COMMD1: variants seen among roughly 807,000 people sequenced by gnomAD.
The protein encoded by COMMD1 is copper metabolism domain containing 1, also known as COMM domain-containing protein 1.
A neutral mutation model predicts 17.2 loss-of-function variants in COMMD1; 10 were observed. The ratio of observed to expected loss-of-function variants is 0.58; its 90% CI spans 0.36 to 0.99. COMMD1 has a LOEUF of 0.99. COMMD1 is among the 50% of genes least tolerant of loss of function. The pLI, the probability that COMMD1 is intolerant of heterozygous loss-of-function variation, is 0.01. For synonymous variants in COMMD1, 97 were observed against 91.6 expected, an observed-to-expected ratio of 1.06 and a Z score of -0.34; for missense variants, 270 against 231.8, an observed-to-expected ratio of 1.17 and a Z score of -1.07.
chr2:62,063,068 T>G (rs1670914818), intron 2 of COMMD1, among the ~76,000 whole-genome samples: 1 of 151,586 alleles, frequency 6.6e-6, no homozygotes, highest in Admixed American at 6.6e-5. Flanking sequence ...AATACAAAAA[T>G]TAGCTGGGTG....
intron 1 of COMMD1, among the ~76,000 whole-genome samples, chr2:61,934,377 A>G (rs940833395): frequency 4.6e-5 from 7 of 152,150 alleles, no homozygotes; most frequent in African/African-American, 1.7e-4. Flanking sequence ...CATCTAGAGT[A>G]TCAAAATGAA....
intron 1 of COMMD1, among the ~76,000 whole-genome samples, chr2:61,991,186 T>G (rs989297913): frequency 6.6e-6 from 1 of 152,204 alleles, no homozygotes; most frequent in Non-Finnish European, 1.5e-5. Context: ...TTGTTTTGGC[T>G]CTGAGCCCCT....
intron 2 of COMMD1, among the ~76,000 whole-genome samples, chr2:62,020,788 T>C (rs1211890221): frequency 6.6e-6 from 1 of 151,912 alleles, no homozygotes; most frequent in Non-Finnish European, 1.5e-5. Context: ...TCACCTGAGG[T>C]CAGGAGTTCG....
At chr2:61,964,177 A>G (rs1671445769) in intron 1 of COMMD1, among the ~76,000 whole-genome samples, 2 of 152,228 alleles carry the variant, frequency 1.3e-5, no homozygotes, top group South Asian at 4.1e-4. Context: ...TGTTGCAAGA[A>G]TTTGTTACTC....
intron 1 of COMMD1, among the ~76,000 whole-genome samples, chr2:61,990,733 T>C (rs1458088152): frequency 6.6e-6 from 1 of 152,104 alleles, no homozygotes; most frequent in Non-Finnish European, 1.5e-5. Flanking sequence ...GTGAGACTTA[T>C]TCACTATCGT....
chr2:61,999,446 A>C (rs1037456612), intron 1 of COMMD1, among the ~76,000 whole-genome samples: 1 of 152,238 alleles, frequency 6.6e-6, no homozygotes, highest in Admixed American at 6.5e-5. Flanking sequence ...TAAGATAAAT[A>C]CATTCACTTA....
rs553548154 is a variant in COMMD1 at position 62,020,267 on chromosome 2, C to T, written c.462+19285C>T. 3.9e-5 allele frequency among the ~76,000 whole-genome samples: 6 copies of T among 152,322 alleles called. 1 individual carries two copies. Among genetic ancestry groups the T allele is most frequent in the East Asian group, 1.9e-4 (1 of 5,180 alleles). On this transcript the variant is annotated intron_variant, in intron 2 of 2. Transcript: ENST00000311832. The stretch of plus-strand genomic sequence containing the variant: ...AGGGAAAATGTTGGTACAAAGGTGT[C>T]GTTACGTCACACCATTTTTGAAATT...
intron 2 of COMMD1, among the ~76,000 whole-genome samples, chr2:62,133,750 A>T (rs1324138088): frequency 1.3e-5 from 2 of 152,060 alleles, no homozygotes; most frequent in African/African-American, 4.8e-5. Flanking sequence ...GTTTGGGCAG[A>T]CTCATCATGG....
At chr2:61,929,110 C>T (rs536966737) in intron 1 of COMMD1, among the ~76,000 whole-genome samples, 2 of 152,290 alleles carry the variant, frequency 1.3e-5, no homozygotes, top group East Asian at 3.9e-4. Flanking sequence ...CCTTACTGGG[C>T]AAGTGTTCTT....
chr2:61,947,764 C>T (rs1349338676), intron 1 of COMMD1, among the ~76,000 whole-genome samples: 1 of 144,850 alleles, frequency 6.9e-6, no homozygotes, highest in Non-Finnish European at 1.5e-5. Context: ...GTTGCCCAGG[C>T]TGTTCTCAAA....
At chr2:62,132,398 C>T (rs542801282) in intron 2 of COMMD1, among the ~76,000 whole-genome samples, 1 of 152,288 alleles carries the variant, frequency 6.6e-6, no homozygotes, top group South Asian at 2.1e-4. Flanking sequence ...ATTTCTTTGC[C>T]TACATAGAAA....
intron 2 of COMMD1, among the ~76,000 whole-genome samples, chr2:62,043,806 T>A (rs1159536706): frequency 6.6e-6 from 1 of 152,220 alleles, no homozygotes; most frequent in Admixed American, 6.5e-5. Context: ...ATGAGAACAT[T>A]AAGCCATTTG....
intron 1 of COMMD1, among the ~76,000 whole-genome samples, chr2:61,916,598 A>G (rs1229376993): frequency 6.6e-6 from 1 of 151,622 alleles, no homozygotes; most frequent in African/African-American, 2.4e-5. Flanking sequence ...ATTTAAAAAA[A>G]AAATTTTTTT....
At chr2:62,034,961 T>G (rs1486352131) in intron 2 of COMMD1, among the ~76,000 whole-genome samples, 3 of 152,224 alleles carry the variant, frequency 2.0e-5, no homozygotes, top group Non-Finnish European at 4.4e-5. Context: ...AAAACTGTTA[T>G]CCAATGACTA....
intron 2 of COMMD1, among the ~76,000 whole-genome samples, chr2:62,004,071 C>G (rs1008671434): frequency 6.6e-6 from 1 of 151,840 alleles, no homozygotes; most frequent in Non-Finnish European, 1.5e-5. Context: ...GAGGTTGCAG[C>G]AAGCCAAGAT....
At chr2:61,918,330 T>C (rs1488454751) in intron 1 of COMMD1, among the ~76,000 whole-genome samples, 1 of 152,248 alleles carries the variant, frequency 6.6e-6, no homozygotes. Context: ...AGACTTTAGA[T>C]GGTAATACAT....
At chr2:61,931,269 G>A (rs1348926371) in intron 1 of COMMD1, among the ~76,000 whole-genome samples, 2 of 152,076 alleles carry the variant, frequency 1.3e-5, no homozygotes, top group Non-Finnish European at 2.9e-5. Context: ...CCAAGATCAT[G>A]CCACTGCACT....
At chr2:61,961,162 G>A (rs980196095) in intron 1 of COMMD1, among the ~76,000 whole-genome samples, 1 of 152,200 alleles carries the variant, frequency 6.6e-6, no homozygotes, top group Admixed American at 6.5e-5. Context: ...TGATCTCTCA[G>A]CAAGGTGAGC....
intron 1 of COMMD1, among the ~76,000 whole-genome samples, chr2:61,939,974 T>A: frequency 6.6e-6 from 1 of 152,240 alleles, no homozygotes; most frequent in East Asian, 1.9e-4. Context: ...TAAACCATTT[T>A]AATTTTATCA....
Sources: allele counts gnomAD v4.1 joint callset (sites outside exome capture counted in the v4.1 genomes callset), GRCh38; gene constraint gnomAD v4.1.1; transcripts MANE v1.5; gene names NCBI Gene and HGNC (gene_info 2026-07-23, HGNC 2026-07-21).